Variants in RCAN2 observed in about 807,000 individuals in gnomAD.
RCAN2 encodes calcipressin-2.
A neutral mutation model predicts 23.6 loss-of-function variants in RCAN2; 9 were observed. The ratio of observed to expected loss-of-function variants is 0.38; its 90% confidence interval spans 0.23 to 0.67. The LOEUF is 0.67. RCAN2 is among the 30% of genes least tolerant of loss of function. RCAN2 has a pLI of 0.51. For synonymous variants in RCAN2, 109 were observed against 115.7 expected (o/e 0.94, Z 0.37); for missense variants, 273 against 302.3 (o/e 0.90, Z 0.72).
intron 1 of RCAN2, among the ~76,000 whole-genome samples, chr6:46,488,312 G>C (rs1395170593): frequency 6.6e-6 from 1 of 152,182 alleles, no homozygotes; most frequent in Non-Finnish European, 1.5e-5. Context: ...TAACAACAGT[G>C]CCTGCCTCAT....
intron 2 of RCAN2, among the ~76,000 whole-genome samples, chr6:46,360,533 CAAAAA>C (rs765916099): frequency 3.0e-5 from 1 of 33,492 alleles, no homozygotes; most frequent in Non-Finnish European, 5.0e-5. Flanking sequence ...GACTCCGTCT[CAAAAA>C]AAAAAAAAAA....
At chr6:46,269,492 C>T (rs1042080054) in intron 2 of RCAN2, among the ~76,000 whole-genome samples, 2 of 152,212 alleles carry the variant, frequency 1.3e-5, no homozygotes, top group South Asian at 2.1e-4. Flanking sequence ...TTCTGCATAG[C>T]TCTGAATACT....
intron 2 of RCAN2, among the ~76,000 whole-genome samples, chr6:46,408,396 G>A (rs753098406): frequency 2.6e-4 from 39 of 152,126 alleles, no homozygotes; most frequent in Admixed American, 1.3e-3. Flanking sequence ...TTTGGATGCC[G>A]GGGACTAACT....
intron 2 of RCAN2, among the ~76,000 whole-genome samples, chr6:46,368,475 G>A (rs1046411093): frequency 3.3e-5 from 5 of 152,108 alleles, no homozygotes; most frequent in African/African-American, 1.2e-4. Context: ...CTGAGAAATA[G>A]GCAATTTTGT....
At chr6:46,238,787 C>A (rs765741442) in intron 4 of RCAN2, among the ~76,000 whole-genome samples, 36 of 152,242 alleles carry the variant, frequency 2.4e-4, no homozygotes, top group Admixed American at 7.2e-4. Flanking sequence ...CTCCTAGGCT[C>A]AACTGATCCT....
intron 2 of RCAN2, among the ~76,000 whole-genome samples, chr6:46,377,214 C>T (rs1378293866): frequency 1.3e-5 from 2 of 152,292 alleles, no homozygotes; most frequent in Non-Finnish European, 2.9e-5. Context: ...CTCAAGGTAA[C>T]CTACTTCTAA....
chr6:46,479,328 C>A (rs1419726327), intron 1 of RCAN2, among the ~76,000 whole-genome samples: 1 of 152,182 alleles, frequency 6.6e-6, no homozygotes, highest in Non-Finnish European at 1.5e-5. Context: ...TACTTAAATA[C>A]ATACAAACAT....
intron 1 of RCAN2, among the ~76,000 whole-genome samples, chr6:46,466,734 C>T (rs1051113253): frequency 1.3e-5 from 2 of 152,166 alleles, no homozygotes; most frequent in East Asian, 3.8e-4. Flanking sequence ...CCTATCTAGA[C>T]TTATCAACTG....
chr6:46,425,058 C>T (rs1766996586), intron 2 of RCAN2, among the ~76,000 whole-genome samples: 1 of 152,126 alleles, frequency 6.6e-6, no homozygotes, highest in South Asian at 2.1e-4. Flanking sequence ...TGCATGTGGT[C>T]CCCTTTCTTC....
At chr6:46,362,445 A>T (rs916960863) in intron 2 of RCAN2, among the ~76,000 whole-genome samples, 1 of 152,144 alleles carries the variant, frequency 6.6e-6, no homozygotes, top group Non-Finnish European at 1.5e-5. Context: ...AAGGTAATCT[A>T]CACATTCCCT....
intron 2 of RCAN2, among the ~76,000 whole-genome samples, chr6:46,419,721 C>T (rs1358932635): frequency 2.0e-5 from 3 of 152,092 alleles, no homozygotes; most frequent in African/African-American, 7.2e-5. Context: ...AAGTTGGCTG[C>T]TGAATAATGA....
intron 2 of RCAN2, among the ~76,000 whole-genome samples, chr6:46,273,923 G>A (rs758754964): frequency 1.3e-4 from 19 of 151,652 alleles, no homozygotes; most frequent in Non-Finnish European, 2.5e-4. Context: ...CTTGCATTTT[G>A]TTCTTAGGGC....
chr6:46,232,660 G>A (rs1365969553), intron 4 of RCAN2, among the ~76,000 whole-genome samples: 2 of 152,002 alleles, frequency 1.3e-5, no homozygotes, highest in African/African-American at 4.8e-5. Flanking sequence ...GGGCATGGTG[G>A]TGCATGCCTG....
At chr6:46,241,462 GATCTGCACGTCC>G (rs1260554004) in intron 4 of RCAN2, among the ~76,000 whole-genome samples, 1 of 152,146 alleles carries the variant, frequency 6.6e-6, no homozygotes, top group African/African-American at 2.4e-5. Flanking sequence ...GGCAAATTTT[GATCTGCACGTCC>G]TGCTGGACAC....
At chr6:46,354,205 C>CTCTGTGTGTGTGTG (rs1382265750) in intron 2 of RCAN2, among the ~76,000 whole-genome samples, 1 of 132,984 alleles carries the variant, frequency 7.5e-6, no homozygotes, top group African/African-American at 2.9e-5. Flanking sequence ...TGTTATTTTA[C>CTCTGTGTGTGTGTG]TGTGTGTGTG....
intron 2 of RCAN2, among the ~76,000 whole-genome samples, chr6:46,351,995 G>A (rs1582132865): frequency 1.3e-5 from 2 of 152,060 alleles, no homozygotes; most frequent in African/African-American, 4.8e-5. Flanking sequence ...TCAAAGACAC[G>A]CACCTTTAAA....
At chr6:46,259,427 G>A (rs1210363189) in intron 2 of RCAN2, among the ~76,000 whole-genome samples, 1 of 152,120 alleles carries the variant, frequency 6.6e-6, no homozygotes, top group Non-Finnish European at 1.5e-5. Context: ...TATGTACTGT[G>A]CAGTCACAAA....
chr6:46,391,320 CA>C (rs373312880), intron 2 of RCAN2, among the ~76,000 whole-genome samples: 2 of 152,108 alleles, frequency 1.3e-5, no homozygotes, highest in Admixed American at 1.3e-4. Context: ...ATCATGAAAG[CA>C]AAGAGTCTGG....
At chr6:46,335,424 CACTA>C in intron 2 of RCAN2, among the ~76,000 whole-genome samples, 1 of 152,258 alleles carries the variant, frequency 6.6e-6, no homozygotes, top group Non-Finnish European at 1.5e-5. Context: ...TTGTTTCTGT[CACTA>C]ACAACTAAAA....
Sources: gnomAD v4.1 joint callset for allele counts (sites outside exome capture counted in the v4.1 genomes callset) on GRCh38, gnomAD v4.1.1 for gene constraint, MANE v1.5 for transcripts, NCBI Gene and HGNC (gene_info 2026-07-23, HGNC 2026-07-21) for gene names.